Variants in XKR4 observed in about 807,000 individuals in gnomAD.
XKR4 encodes the protein XK-related protein 4.
A neutral mutation model predicts 53.9 loss-of-function variants in XKR4; 12 were observed. The ratio of observed to expected loss-of-function variants is 0.22; its 90% CI spans 0.14 to 0.36. The LOEUF (loss-of-function observed/expected upper bound fraction) is 0.36, where lower values mean the gene tolerates loss of function less well. XKR4 is among the 10% of genes least tolerant of loss of function. The pLI, the probability that XKR4 is intolerant of heterozygous loss-of-function variation, is 1.00. For synonymous variants in XKR4, 354 were observed against 362.4 expected (o/e 0.98, Z 0.26); for missense variants, 799 against 859.5 (o/e 0.93, Z 0.88).
intron 1 of XKR4, among the ~76,000 whole-genome samples, chr8:55,352,867 A>G (rs1803745532): frequency 6.6e-6 from 1 of 152,248 alleles, no homozygotes; most frequent in Non-Finnish European, 1.5e-5. Context: ...GCTCCAGAAT[A>G]TAGTTACCAG....
At chr8:55,164,619 A>C in intron 1 of XKR4, 1 of 329,916 alleles carries the variant, frequency 3.0e-6, no homozygotes, top group Non-Finnish European at 6.1e-6. Flanking sequence ...GCAAGAAAGG[A>C]GAAAGGACAG....
At chr8:55,449,810 T>C in intron 2 of XKR4, 1 of 1,203,404 alleles carries the variant, frequency 8.3e-7, no homozygotes, top group South Asian at 1.2e-5. Flanking sequence ...GGCCCCCTTC[T>C]TGTACAGAGT....
intron 1 of XKR4, among the ~76,000 whole-genome samples, chr8:55,246,713 CTT>C (rs5891565): frequency 2.1e-5 from 3 of 144,388 alleles, no homozygotes; most frequent in Admixed American, 6.9e-5. Context: ...CCATTAAAGT[CTT>C]TTTTTTTTTT....
intron 2 of XKR4, among the ~76,000 whole-genome samples, chr8:55,510,499 A>G (rs138407826): frequency 5.0e-4 from 76 of 152,276 alleles, no homozygotes; most frequent in African/African-American, 1.8e-3. Context: ...AGGGGTTACC[A>G]GGAGGACAGA....
chr8:55,301,224 C>A (rs1308676672), intron 1 of XKR4, among the ~76,000 whole-genome samples: 1 of 147,446 alleles, frequency 6.8e-6, no homozygotes, highest in Non-Finnish European at 1.5e-5. Flanking sequence ...CAATTCCCAC[C>A]CAGGAGTGAG....
chr8:55,427,984 G>A lies in XKR4; in HGVS notation c.1006+70107G>A, dbSNP rs147251242. ...TCTCCAAGTACAGATTATCATTTGCGTAGTTAAAATTTAATTAAATTGTAT... is the reference window on the plus strand; with the variant it reads ...TCTCCAAGTACAGATTATCATTTGCATAGTTAAAATTTAATTAAATTGTAT... On this transcript the variant is annotated intron_variant, in intron 2 of 2. Coordinates refer to ENST00000327381, the MANE Select transcript of XKR4 (RefSeq NM_052898.2). Among the ~76,000 whole-genome samples the A allele has an allele frequency of 2.8e-4, 43 of 152,234 alleles. No homozygotes were observed. In the East Asian group the frequency reaches 6.2e-3, roughly 22 times the overall value.
intron 2 of XKR4, among the ~76,000 whole-genome samples, chr8:55,394,230 C>T (rs1204865692): frequency 6.6e-6 from 1 of 152,086 alleles, no homozygotes; most frequent in Non-Finnish European, 1.5e-5. Context: ...TAGTTATGCG[C>T]TATCGATATA....
At chr8:55,128,744 G>C (rs1816511710) in intron 1 of XKR4, among the ~76,000 whole-genome samples, 2 of 152,194 alleles carry the variant, frequency 1.3e-5, no homozygotes, top group Admixed American at 6.5e-5. Context: ...GCAACAAACA[G>C]ACAGATTCTT....
intron 1 of XKR4, among the ~76,000 whole-genome samples, chr8:55,320,207 A>G (rs1803185331): frequency 6.6e-6 from 1 of 152,224 alleles, no homozygotes; most frequent in Admixed American, 6.5e-5. Flanking sequence ...GTGCAAAACA[A>G]CAGAGCTGAC....
chr8:55,217,738 TTAGATAGATAGA>T (rs71256520), intron 1 of XKR4, among the ~76,000 whole-genome samples: 41,703 of 149,240 alleles, frequency 0.28, 7,036 homozygotes, highest in Non-Finnish European at 0.38. Context: ...GGAAGACAGA[TTAGATAGATAGA>T]TAGATAGATA....
At chr8:55,430,948 G>A (rs974776353) in intron 2 of XKR4, among the ~76,000 whole-genome samples, 3 of 152,220 alleles carry the variant, frequency 2.0e-5, no homozygotes, top group Non-Finnish European at 4.4e-5. Flanking sequence ...CGAATGTGGG[G>A]CAACAGACAC....
At chr8:55,280,033 TC>T (rs1469860423) in intron 1 of XKR4, among the ~76,000 whole-genome samples, 1 of 152,242 alleles carries the variant, frequency 6.6e-6, no homozygotes, top group East Asian at 1.9e-4. Context: ...CCAAATAATC[TC>T]CCTTTGGCCT....
intron 1 of XKR4, among the ~76,000 whole-genome samples, chr8:55,271,843 G>T (rs980418507): frequency 9.8e-5 from 15 of 152,338 alleles, no homozygotes; most frequent in Non-Finnish European, 1.5e-4. Flanking sequence ...TTCCTGGACT[G>T]TCTCTAGAGA....
chr8:55,333,150 A>G (rs1226248531), intron 1 of XKR4, among the ~76,000 whole-genome samples: 1 of 151,612 alleles, frequency 6.6e-6, no homozygotes, highest in African/African-American at 2.4e-5. Flanking sequence ...TTCTTTGTCC[A>G]TGTTCTCTTT....
chr8:55,326,550 A>C (rs531293400), intron 1 of XKR4, among the ~76,000 whole-genome samples: 1 of 139,912 alleles, frequency 7.1e-6, no homozygotes, highest in South Asian at 2.3e-4. Context: ...GGCTCACTGC[A>C]ACCTCCACCT....
chr8:55,315,545 G>A (rs1359932057), intron 1 of XKR4, among the ~76,000 whole-genome samples: 2 of 152,148 alleles, frequency 1.3e-5, no homozygotes, highest in Admixed American at 1.3e-4. Context: ...TGTAGTCCTA[G>A]CTAATTGGGA....
intron 1 of XKR4, among the ~76,000 whole-genome samples, chr8:55,173,544 C>T (rs940499930): frequency 6.6e-6 from 1 of 152,218 alleles, no homozygotes; most frequent in Admixed American, 6.5e-5. Flanking sequence ...CTTCCTCCAA[C>T]ACCTTTTCTG....
chr8:55,213,368 G>T (rs573922063), intron 1 of XKR4, among the ~76,000 whole-genome samples: 30 of 152,302 alleles, frequency 2.0e-4, no homozygotes, highest in African/African-American at 6.3e-4. Flanking sequence ...GGTTGGAGCT[G>T]CAAGACCAGA....
intron 1 of XKR4, among the ~76,000 whole-genome samples, chr8:55,237,406 T>C (rs936838386): frequency 1.3e-5 from 2 of 152,154 alleles, no homozygotes; most frequent in Non-Finnish European, 2.9e-5. Context: ...ATAAAGTCAG[T>C]TAGAGAAAAG....
Sources: gnomAD v4.1 joint callset for allele counts (sites outside exome capture counted in the v4.1 genomes callset) on GRCh38, gnomAD v4.1.1 for gene constraint, MANE v1.5 for transcripts, NCBI Gene and HGNC (gene_info 2026-07-23, HGNC 2026-07-21) for gene names.